The following SDC1 variants were observed in gnomAD, a reference collection of about 807,000 sequenced individuals.
SDC1 encodes syndecan 1.
In SDC1, 14 loss-of-function variants were observed where a neutral mutation model predicts 29.7. The ratio of observed to expected loss-of-function variants is 0.47; its 90% CI spans 0.31 to 0.74. SDC1 has a LOEUF of 0.74. Among genes scored for constraint, SDC1 ranks in the 30% least tolerant of loss-of-function variants. The pLI is 0.05. For synonymous variants in SDC1, 204 were observed against 175.5 expected, an observed-to-expected ratio of 1.16 and a Z score of -1.29; for missense variants, 406 against 400.3, an observed-to-expected ratio of 1.01 and a Z score of -0.12.
At chr2:20,221,520 T>C (rs898191017) in intron 1 of SDC1, among the ~76,000 whole-genome samples, 2 of 152,194 alleles carry the variant, frequency 1.3e-5, no homozygotes, top group African/African-American at 4.8e-5. Flanking sequence ...AAATCATGCC[T>C]AGCATTTTTT....
chr2:20,224,815 TG>T lies in SDC1; in HGVS notation c.52del (p.Gln18SerfsTer54). ...LWLCALALSLQPALPQIVATN... is the reference protein window; with the variant it reads ...LWLCALALSLXPALPQIVATN... ...GGCCGCACTCACCGGCAGGGCCGGC[TG>T]CAGGCTCAGCGCCAGCGCGCACAGC... On this transcript the variant is annotated frameshift_variant, in exon 1 of 5. Transcript: ENST00000254351. LOFTEE classifies it high-confidence loss of function. The surrounding 1 kb of genome is among the most constrained non-coding windows in gnomAD (Gnocchi z 4.9). 7.7e-7 allele frequency: 1 copy of T among 1,298,386 alleles called. No individual in the cohort carries two copies. The highest frequency in any genetic ancestry group is 9.8e-7 in the Non-Finnish European group (1 of 1,024,264). The allele number at this position is 1,298,386 out of a possible 1,614,324, so 80.4% of individuals were successfully genotyped here.
chr2:20,217,648 C>G (rs1366563220), intron 1 of SDC1, among the ~76,000 whole-genome samples: 2 of 152,232 alleles, frequency 1.3e-5, no homozygotes, highest in Non-Finnish European at 2.9e-5. Flanking sequence ...TCTTGCTGCA[C>G]TCTCTGCCTC....
intron 1 of SDC1, among the ~76,000 whole-genome samples, chr2:20,207,185 C>T (rs1439801378): frequency 6.6e-6 from 1 of 152,240 alleles, no homozygotes; most frequent in Non-Finnish European, 1.5e-5. Flanking sequence ...GGTGGAGGCT[C>T]CACGTCCAGG....
In SDC1 at chr2:20,224,396, G is replaced by C. The variant is rs1002715529; in HGVS notation, c.66+406C>G. The C allele has an allele frequency of 7.2e-5, 11 of 152,000 alleles. No homozygotes were observed. The highest frequency in any genetic ancestry group is 2.7e-4 in the African/African-American group (11 of 41,362). The allele number at this position is 152,000 out of a possible 1,614,324, so 9.4% of individuals were successfully genotyped here. On this transcript the variant is annotated intron_variant, in intron 1 of 4. Coordinates refer to ENST00000254351, the MANE Select transcript of SDC1 (RefSeq NM_002997.5). The surrounding 1 kb of genome is among the most constrained non-coding windows in gnomAD (Gnocchi z 4.9). ...AGCCCGCGGGTCTGGTTTGAATTAG[G>C]GTCTGCAGGGGGGGCGTTGTGGCCG...
intron 1 of SDC1, among the ~76,000 whole-genome samples, chr2:20,220,247 C>T (rs138397436): frequency 3.3e-4 from 51 of 152,330 alleles, no homozygotes; most frequent in African/African-American, 1.1e-3. Context: ...GTCTTCAGGA[C>T]GGACCAGCAA....
intron 1 of SDC1, among the ~76,000 whole-genome samples, chr2:20,210,611 C>T (rs1250704098): frequency 6.6e-6 from 1 of 152,226 alleles, no homozygotes; most frequent in African/African-American, 2.4e-5. Flanking sequence ...GTACCTGCCC[C>T]GTGTGGCCAC....
chr2:20,212,981 C>G (rs1202340588), intron 1 of SDC1, among the ~76,000 whole-genome samples: 1 of 152,178 alleles, frequency 6.6e-6, no homozygotes, highest in Non-Finnish European at 1.5e-5. Context: ...AGATGGGAAG[C>G]CTGAGGTCAA....
At chr2:20,218,554 C>T (rs1050384033) in intron 1 of SDC1, among the ~76,000 whole-genome samples, 1 of 150,112 alleles carries the variant, frequency 6.7e-6, no homozygotes, top group Middle Eastern at 3.4e-3. Flanking sequence ...GACACACACA[C>T]ACAGAGACAC....
chr2:20,225,090 A>C lies in SDC1; in HGVS notation c.-223T>G, dbSNP rs953536390. ...CACCTCTCCCGCCGAGCTCCGCCTTATAATAAACCCACAGGCCCTTCCTTA... is the reference window on the plus strand; with the variant it reads ...CACCTCTCCCGCCGAGCTCCGCCTTCTAATAAACCCACAGGCCCTTCCTTA... On this transcript the variant is annotated 5_prime_UTR_variant, in exon 1 of 5. Transcript: ENST00000254351. 6 of 421,432 alleles carry C rather than the reference A, an allele frequency of 1.4e-5. No homozygotes were observed. Among genetic ancestry groups the C allele is most frequent in the Non-Finnish European group, 2.2e-5 (6 of 271,270 alleles). 26.1% of individuals were successfully genotyped at this position (421,432 alleles called of 1,614,324 possible).
chr2:20,210,297 C>T (rs990617154), intron 1 of SDC1, among the ~76,000 whole-genome samples: 6 of 152,150 alleles, frequency 3.9e-5, no homozygotes, highest in Admixed American at 1.3e-4. Context: ...GCCAAGATCA[C>T]GCCAGGAGCT....
intron 3 of SDC1, among the ~76,000 whole-genome samples, chr2:20,203,594 C>T (rs1412287874): frequency 6.6e-6 from 1 of 152,174 alleles, no homozygotes; most frequent in Non-Finnish European, 1.5e-5. Flanking sequence ...TTTGGGGAGC[C>T]CTCTCTTGGG....
At chr2:20,222,327 C>G (rs1677849111) in intron 1 of SDC1, among the ~76,000 whole-genome samples, 1 of 152,196 alleles carries the variant, frequency 6.6e-6, no homozygotes, top group Non-Finnish European at 1.5e-5. Flanking sequence ...CTTCTCCCAT[C>G]TTAAAGCAAA....
intron 1 of SDC1, chr2:20,223,070 A>C (rs544207742): frequency 5.7e-5 from 21 of 368,522 alleles, no homozygotes; most frequent in African/African-American, 4.5e-4. Context: ...GAAAGCCAGG[A>C]GTGCATGAGA....
intron 1 of SDC1, among the ~76,000 whole-genome samples, chr2:20,205,634 T>C (rs1213601547): frequency 6.6e-6 from 1 of 152,102 alleles, no homozygotes; most frequent in Admixed American, 6.5e-5. Context: ...CACAGCCTGG[T>C]ACTGGGTGCA....
intron 1 of SDC1, among the ~76,000 whole-genome samples, chr2:20,218,742 C>T (rs72785203): frequency 0.31 from 46,817 of 151,214 alleles, 7,482 homozygotes; most frequent in Middle Eastern, 0.38. Flanking sequence ...CGTACATGGA[C>T]AAAGACACAC....
Position 20,225,071 on chromosome 2 carries a change from T to C in SDC1, c.-204A>G. 1.9e-6 allele frequency: 1 copy of C among 525,580 alleles called. No individual in the cohort carries two copies. The highest frequency in any genetic ancestry group is 2.8e-6 in the Non-Finnish European group (1 of 363,314). The allele number at this position is 525,580 out of a possible 1,614,324, so 32.6% of individuals were successfully genotyped here. ...TCGGCTCGGATTCGGCCCGCACCTC[T>C]CCCGCCGAGCTCCGCCTTATAATAA... On this transcript the variant is annotated 5_prime_UTR_variant, in exon 1 of 5. Coordinates refer to ENST00000254351, the MANE Select transcript of SDC1 (RefSeq NM_002997.5).
intron 1 of SDC1, among the ~76,000 whole-genome samples, chr2:20,219,223 G>A (rs1032458648): frequency 2.7e-5 from 4 of 146,432 alleles, no homozygotes; most frequent in African/African-American, 1.0e-4. Flanking sequence ...GCCAGGGGAG[G>A]CTCAGGCCAC....
intron 2 of SDC1, among the ~76,000 whole-genome samples, chr2:20,204,502 G>A (rs1677186660): frequency 6.6e-6 from 1 of 152,040 alleles, no homozygotes; most frequent in African/African-American, 2.4e-5. Flanking sequence ...GTGTGTCCAG[G>A]TGCAGCCTGG....
chr2:20,219,407 G>A (rs1677740857), intron 1 of SDC1, among the ~76,000 whole-genome samples: 6 of 152,214 alleles, frequency 3.9e-5, no homozygotes, highest in Admixed American at 3.9e-4. Context: ...AAGCGATGGC[G>A]TGGGCCCCAT....
Sources: allele counts gnomAD v4.1 joint callset (sites outside exome capture counted in the v4.1 genomes callset), GRCh38; gene constraint gnomAD v4.1.1; non-coding constraint Gnocchi (gnomAD v3.1); transcripts MANE v1.5; gene names NCBI Gene and HGNC (gene_info 2026-07-23, HGNC 2026-07-21).